The following CDH23 variants were observed in gnomAD, a reference collection of about 807,000 sequenced individuals.
The protein encoded by CDH23 is cadherin-23.
A neutral mutation model predicts 317.1 loss-of-function variants in CDH23; 189 were observed. That is an observed-to-expected ratio of 0.60 (90% CI 0.53 to 0.67). CDH23 has a LOEUF of 0.67. Ranked by LOEUF, CDH23 falls within the 30% of genes least tolerant of loss-of-function variation. CDH23 has a pLI of 0.00. For missense variants in CDH23, 4,401 were observed against 4,592.4 expected (o/e 0.96, Z 1.20); for synonymous variants, 1,839 against 1,876.8 (o/e 0.98, Z 0.52).
intron 1 of CDH23, among the ~76,000 whole-genome samples, chr10:71,399,629 G>T (rs1348647502): frequency 6.6e-6 from 1 of 152,164 alleles, no homozygotes; most frequent in Non-Finnish European, 1.5e-5. Context: ...ACTGGGTGCA[G>T]TGGTGAACTC....
chr10:71,414,949 T>C (rs773947952), intron 1 of CDH23, among the ~76,000 whole-genome samples: 1 of 152,214 alleles, frequency 6.6e-6, no homozygotes, highest in Non-Finnish European at 1.5e-5. Flanking sequence ...TAGAATTTTA[T>C]CCATTTTATG....
intron 3 of CDH23, among the ~76,000 whole-genome samples, chr10:71,456,204 G>T (rs1850686469): frequency 6.6e-6 from 1 of 150,542 alleles, no homozygotes; most frequent in African/African-American, 2.4e-5. Context: ...GGAAGGAGGT[G>T]ATCTAGTATC....
chr10:71,579,553 G>A (rs926860976), intron 9 of CDH23, among the ~76,000 whole-genome samples: 5 of 152,192 alleles, frequency 3.3e-5, no homozygotes, highest in African/African-American at 1.2e-4. Flanking sequence ...AAGTCCTTGG[G>A]CCCCATGGAG....
At chr10:71,790,013 G>A (rs113841468) in intron 45 of CDH23, among the ~76,000 whole-genome samples, 5 of 152,222 alleles carry the variant, frequency 3.3e-5, no homozygotes, top group Admixed American at 6.5e-5. Flanking sequence ...AGCCTCAAAG[G>A]CTGCTGGGAA....
intron 6 of CDH23, among the ~76,000 whole-genome samples, chr10:71,526,417 G>A (rs1428014796): frequency 6.6e-6 from 1 of 152,202 alleles, no homozygotes; most frequent in Admixed American, 6.5e-5. Context: ...TTATCTGTCT[G>A]CTTCTCTATT....
At chr10:71,656,746 G>A (rs1863433963) in intron 14 of CDH23, among the ~76,000 whole-genome samples, 1 of 152,150 alleles carries the variant, frequency 6.6e-6, no homozygotes, top group Non-Finnish European at 1.5e-5. Flanking sequence ...GCCCAGGTGA[G>A]GGATGCAGGT....
chr10:71,465,122 A>G (rs1851180484), intron 3 of CDH23, among the ~76,000 whole-genome samples: 1 of 152,252 alleles, frequency 6.6e-6, no homozygotes, highest in African/African-American at 2.4e-5. Context: ...CAATTAAATA[A>G]CGTAGAGTTA....
At chr10:71,809,157 T>C (rs1411559300) in intron 60 of CDH23, among the ~76,000 whole-genome samples, 3 of 149,000 alleles carry the variant, frequency 2.0e-5, no homozygotes, top group Non-Finnish European at 4.4e-5. Context: ...GTTTTGTTGT[T>C]TTCTTTTTCC....
rs1318590915 is a variant in CDH23, at chr10:71,811,731, G to A, written c.9297G>A (p.Lys3099=). ...YYRTVHKRKL[K]AIVAGSAGNR... ...TCTCCAGACACAAGAGGAAGCTCAA[G>A]GCCATTGTGGCTGGCTCAGCTGGTA... The change falls in exon 65 of 70, where the codon AAG becomes AAA. Residue 3099 remains lysine (K), a synonymous_variant. Coordinates refer to ENST00000224721, the MANE Select transcript of CDH23 (RefSeq NM_022124.6). The A allele has an allele frequency of 3.8e-6, 6 of 1,596,884 alleles. No individual in the cohort carries two copies. The highest frequency in any genetic ancestry group is 1.3e-5 in the African/African-American group (1 of 74,524).
chr10:71,694,563 C>G (rs1865305543), intron 21 of CDH23, among the ~76,000 whole-genome samples: 1 of 152,136 alleles, frequency 6.6e-6, no homozygotes, highest in South Asian at 2.1e-4. Flanking sequence ...TAGGCCCCTC[C>G]TTGCCTTGGT....
At chr10:71,808,365 A>C (rs1841806354) in intron 60 of CDH23, among the ~76,000 whole-genome samples, 1 of 151,524 alleles carries the variant, frequency 6.6e-6, no homozygotes, top group South Asian at 2.1e-4. Flanking sequence ...TCTTCCATCC[A>C]TCCTTTCTTC....
At chr10:71,550,279 T>C (rs1275248388) in intron 6 of CDH23, among the ~76,000 whole-genome samples, 5 of 152,100 alleles carry the variant, frequency 3.3e-5, no homozygotes, top group Non-Finnish European at 1.5e-5. Context: ...GGGTGACACA[T>C]TAAGACCAGA....
At chr10:71,622,283 A>G (rs1197511115) in intron 11 of CDH23, among the ~76,000 whole-genome samples, 2 of 152,034 alleles carry the variant, frequency 1.3e-5, no homozygotes, top group Non-Finnish European at 2.9e-5. Flanking sequence ...CACTTGGGTC[A>G]ACTTTTCCTC....
At chr10:71,600,594 G>A (rs371677962) in intron 9 of CDH23, among the ~76,000 whole-genome samples, 6 of 145,606 alleles carry the variant, frequency 4.1e-5, no homozygotes, top group Non-Finnish European at 1.5e-5. Flanking sequence ...TCAGCTCACT[G>A]CAACCTCTGC....
chr10:71,702,279 T>C lies in CDH23; in HGVS notation c.2587+68T>C, dbSNP rs758021999. The C allele has an allele frequency of 3.3e-6, 5 of 1,520,706 alleles. No individual in the cohort carries two copies. The Admixed American group carries it at 6.9e-5, about 21-fold the overall frequency. 94.2% of individuals were successfully genotyped at this position (1,520,706 alleles called of 1,614,324 possible). On this transcript the variant is annotated intron_variant, in intron 23 of 69. Transcript: ENST00000224721. Reference sequence around the variant, plus strand: ...TGCGGGTGTCCCTGGTGACTGGGCCTCTGGGGTACCTGGGGCCCACCCAGG... The same window carrying C: ...TGCGGGTGTCCCTGGTGACTGGGCCCCTGGGGTACCTGGGGCCCACCCAGG...
At position 71,566,847 on chromosome 10, in the gene CDH23, G is replaced by A. The variant is rs371422466; in HGVS notation, c.535G>A (p.Ala179Thr). Residue 179 changes from alanine (A) to threonine (T), a missense_variant, in exon 7 of 70, where the codon GCC (alanine) becomes ACC (threonine). By Grantham distance (58) the Ala-to-Thr change is moderately conservative. Transcript: ENST00000224721. ...CTTCCAGCCCCCCTCCCAATTCTTC[G>A]CCATTGACAGCGCCCGCGGTATCGT... ...YSFQPPSQFF[A>T]IDSARGIVTV... 43 of 1,613,924 alleles carry A rather than the reference G, an allele frequency of 2.7e-5. No individual in the cohort carries two copies. Among genetic ancestry groups the A allele is most frequent in the South Asian group, 3.3e-5 (3 of 91,074 alleles).
chr10:71,765,728 C>T (rs759882264), intron 38 of CDH23, among the ~76,000 whole-genome samples: 8 of 152,154 alleles, frequency 5.3e-5, no homozygotes, highest in Non-Finnish European at 1.0e-4. Flanking sequence ...CTCCCCACCC[C>T]TCACACACTG....
At chr10:71,511,621 G>A (rs954582134) in intron 6 of CDH23, among the ~76,000 whole-genome samples, 1 of 152,286 alleles carries the variant, frequency 6.6e-6, no homozygotes, top group East Asian at 1.9e-4. Context: ...AGGACTCAGG[G>A]AGCATGCAGT....
intron 11 of CDH23, among the ~76,000 whole-genome samples, chr10:71,618,842 C>CGT (rs59138071): frequency 0.038 from 5,759 of 151,610 alleles, 374 homozygotes; most frequent in East Asian, 0.3. Context: ...TGTGTGCACA[C>CGT]GTGTGTGTGT....
Sources: gnomAD v4.1 joint callset for allele counts (sites outside exome capture counted in the v4.1 genomes callset) on GRCh38, gnomAD v4.1.1 for gene constraint, MANE v1.5 for transcripts, NCBI Gene and HGNC (gene_info 2026-07-23, HGNC 2026-07-21) for gene names.